Variants in KLHL2 observed in about 807,000 individuals in gnomAD.
KLHL2 encodes kelch-like protein 2.
KLHL2 carries 15 observed loss-of-function variants against 75.8 expected under a neutral mutation model. The ratio of observed to expected loss-of-function variants is 0.20; its 90% CI spans 0.13 to 0.30. The LOEUF is 0.30. KLHL2 is among the 10% of genes least tolerant of loss of function. The probability of loss-of-function intolerance (pLI) is 1.00; values close to 1 mark genes in which losing one functional copy is unlikely to be tolerated. For synonymous variants in KLHL2, 214 were observed against 251.9 expected (o/e 0.85, Z 1.42); for missense variants, 381 against 741.0 (o/e 0.51, Z 5.64).
intron 4 of KLHL2, among the ~76,000 whole-genome samples, chr4:165,253,240 G>T (rs958235648): frequency 2.6e-5 from 4 of 152,026 alleles, no homozygotes; most frequent in Non-Finnish European, 5.9e-5. Context: ...CACCATGTTG[G>T]CCAGGCTGGT....
chr4:165,252,926 A>G (rs146195586), intron 4 of KLHL2, among the ~76,000 whole-genome samples: 3,115 of 152,322 alleles, frequency 0.02, 95 homozygotes, highest in African/African-American at 0.071. Flanking sequence ...GTTTGGTTCC[A>G]TGACTTCCCT....
chr4:165,261,115 T>C (rs1741629910), intron 4 of KLHL2, among the ~76,000 whole-genome samples: 2 of 152,320 alleles, frequency 1.3e-5, no homozygotes, highest in South Asian at 4.1e-4. Context: ...CTAAACTATA[T>C]GTAGAAATTT....
chr4:165,245,582 A>G (rs1740196345), intron 4 of KLHL2, among the ~76,000 whole-genome samples: 1 of 152,176 alleles, frequency 6.6e-6, no homozygotes, highest in Non-Finnish European at 1.5e-5. Context: ...ATTAGGAGTC[A>G]CGCTGTGGCT....
chr4:165,214,085 A>G (rs1737375928), intron 1 of KLHL2, among the ~76,000 whole-genome samples: 2 of 152,292 alleles, frequency 1.3e-5, no homozygotes, highest in South Asian at 4.1e-4. Flanking sequence ...TGGCATAGAC[A>G]GAACTACAAT....
chr4:165,292,300 C>G (rs1179683788), intron 5 of KLHL2, among the ~76,000 whole-genome samples: 1 of 151,936 alleles, frequency 6.6e-6, no homozygotes, highest in African/African-American at 2.4e-5. Context: ...CATTTTAGAG[C>G]TGCTTGTTTT....
intron 5 of KLHL2, chr4:165,278,946 G>A (rs557597249): frequency 6.9e-6 from 10 of 1,459,064 alleles, no homozygotes; most frequent in South Asian, 3.4e-5. Flanking sequence ...GAAGAACTCC[G>A]AACATGTGGA....
At chr4:165,251,006 A>T (rs1740660111) in intron 4 of KLHL2, among the ~76,000 whole-genome samples, 1 of 152,182 alleles carries the variant, frequency 6.6e-6, no homozygotes, top group Non-Finnish European at 1.5e-5. Flanking sequence ...TGTATCTCCC[A>T]GCAGTGTCTA....
intron 2 of KLHL2, among the ~76,000 whole-genome samples, chr4:165,223,525 A>G (rs2111004409): frequency 6.6e-6 from 1 of 152,354 alleles, no homozygotes; most frequent in East Asian, 1.9e-4. Context: ...TGTTGGATAA[A>G]GTGAATCAAG....
intron 6 of KLHL2, among the ~76,000 whole-genome samples, chr4:165,297,082 G>T (rs1177749366): frequency 6.6e-6 from 1 of 151,972 alleles, no homozygotes; most frequent in African/African-American, 2.4e-5. Flanking sequence ...AACCTTTAAA[G>T]ATTATTAAGT....
chr4:165,226,396 T>C (rs527731207), intron 2 of KLHL2, among the ~76,000 whole-genome samples: 7 of 152,328 alleles, frequency 4.6e-5, no homozygotes, highest in African/African-American at 1.7e-4. Flanking sequence ...CAGCTAACTC[T>C]TACTTGTTTT....
intron 7 of KLHL2, among the ~76,000 whole-genome samples, chr4:165,298,868 T>A (rs1579153210): frequency 6.6e-6 from 1 of 151,868 alleles, no homozygotes; most frequent in East Asian, 1.9e-4. Flanking sequence ...ACCCGGCAGG[T>A]GGAGTTTGCC....
intron 4 of KLHL2, among the ~76,000 whole-genome samples, chr4:165,258,230 A>G (rs1243047535): frequency 1.3e-5 from 2 of 152,180 alleles, no homozygotes; most frequent in Admixed American, 6.5e-5. Flanking sequence ...TATTTTTAAC[A>G]TTCAAAATAT....
chr4:165,240,927 T>C lies in KLHL2; in HGVS notation c.381+2028T>C, dbSNP rs186119213. 1.8e-3 allele frequency among the ~76,000 whole-genome samples: 269 copies of C among 152,360 alleles called. 1 individual carries two copies. The highest frequency in any genetic ancestry group is 3.5e-3 in the Non-Finnish European group (236 of 68,032). On this transcript the variant is annotated intron_variant, in intron 4 of 14. Coordinates refer to ENST00000226725, the MANE Select transcript of KLHL2 (RefSeq NM_007246.4). ...TTAGGAATTAGGAGAACACCTCTCA[T>C]GTTTCTTTTAATAACTATCATGTTC...
rs148890770 is a variant in KLHL2 at position 165,313,150 on chromosome 4, A to G, written c.1340-88A>G. ...AAACTCTGCTGCCATGAAGGAAAAT[A>G]TATTAATATTTTCTGGCTTGAAAAA... On this transcript the variant is annotated intron_variant, in intron 11 of 14. Coordinates refer to ENST00000226725, the MANE Select transcript of KLHL2 (RefSeq NM_007246.4). 998 of 1,356,716 alleles carry G rather than the reference A, an allele frequency of 7.4e-4. 5 individuals carry two copies. The African/African-American group carries it at 0.013, about 17-fold the overall frequency. 84.0% of individuals were successfully genotyped at this position (1,356,716 alleles called of 1,614,324 possible). A position where few individuals can be genotyped will look rare whatever the true frequency, so the allele number is the denominator to read the frequency against.
At chr4:165,227,510 A>T (rs560933194) in intron 2 of KLHL2, among the ~76,000 whole-genome samples, 1 of 152,184 alleles carries the variant, frequency 6.6e-6, no homozygotes, top group Non-Finnish European at 1.5e-5. Flanking sequence ...TAGGCAGGCC[A>T]CCTTTTTAGG....
intron 3 of KLHL2, among the ~76,000 whole-genome samples, chr4:165,238,535 T>C (rs1408113413): frequency 1.3e-5 from 2 of 152,228 alleles, no homozygotes; most frequent in Non-Finnish European, 1.5e-5. Context: ...GCTGGACATA[T>C]GGCACGTTCA....
intron 4 of KLHL2, among the ~76,000 whole-genome samples, chr4:165,239,758 A>T (rs1488664253): frequency 1.3e-5 from 2 of 152,122 alleles, no homozygotes; most frequent in South Asian, 4.1e-4. Context: ...CTTCGAACCT[A>T]CCCCAGTCCA....
intron 13 of KLHL2, among the ~76,000 whole-genome samples, chr4:165,314,626 A>G (rs138566503): frequency 1.3e-4 from 20 of 152,198 alleles, no homozygotes; most frequent in African/African-American, 4.3e-4. Flanking sequence ...CTAGAGGGGA[A>G]GTCTGCAAAG....
intron 5 of KLHL2, among the ~76,000 whole-genome samples, chr4:165,290,288 A>G (rs775814586): frequency 5.9e-5 from 9 of 151,872 alleles, no homozygotes; most frequent in Non-Finnish European, 1.0e-4. Context: ...GACTACAAAC[A>G]TGCACCACCA....
Sources: allele counts gnomAD v4.1 joint callset (sites outside exome capture counted in the v4.1 genomes callset), GRCh38; gene constraint gnomAD v4.1.1; transcripts MANE v1.5; gene names NCBI Gene and HGNC (gene_info 2026-07-23, HGNC 2026-07-21).